Variants in GRAMD1B observed in about 807,000 individuals in gnomAD.
GRAMD1B encodes GRAM domain containing 1B.
Under a neutral mutation model 99.7 loss-of-function variants are expected in GRAMD1B, and 37 were observed. That is an observed-to-expected ratio of 0.37 (90% CI 0.29 to 0.49). The LOEUF (loss-of-function observed/expected upper bound fraction) is 0.49, where lower values mean the gene tolerates loss of function less well. GRAMD1B is among the 20% of genes least tolerant of loss of function. The pLI is 0.98. For missense variants in GRAMD1B, 888 were observed against 1,009.2 expected, an observed-to-expected ratio of 0.88 and a Z score of 1.63; for synonymous variants, 427 against 387.6, an observed-to-expected ratio of 1.10 and a Z score of -1.19.
At chr11:123,447,455 G>A (rs1949693192) in intron 1 of GRAMD1B, among the ~76,000 whole-genome samples, 1 of 152,174 alleles carries the variant, frequency 6.6e-6, no homozygotes. Context: ...GTATCTTCAG[G>A]CAGTGAGTCA....
chr11:123,579,184 C>T (rs1709889), intron 3 of GRAMD1B, among the ~76,000 whole-genome samples: 35,942 of 152,074 alleles, frequency 0.24, 4,461 homozygotes, highest in East Asian at 0.35. Context: ...TCTGAGGCCA[C>T]AGGAGAACGT....
At chr11:123,557,967 T>C (rs1946324162) in intron 2 of GRAMD1B, among the ~76,000 whole-genome samples, 5 of 147,760 alleles carry the variant, frequency 3.4e-5, no homozygotes, top group South Asian at 2.2e-4. Context: ...GGAAAGGACA[T>C]TCAGTGCAAC....
rs1342494048 is a variant in GRAMD1B at position 123,480,802 on chromosome 11, A to G, written c.375-14A>G. On this transcript the variant is annotated splice_polypyrimidine_tract_variant and intron_variant, in intron 1 of 19. Coordinates refer to ENST00000635736, the MANE Select transcript of GRAMD1B (RefSeq NM_001387025.1). The stretch of plus-strand genomic sequence containing the variant: ...AGCTGAAGTTAACGGTTGATATCCT[A>G]TGTCTTTCCTCAGCAGCCAACAGAG... The G allele has an allele frequency of 1.0e-5, 4 of 398,868 alleles. No homozygotes were observed. The highest frequency in any genetic ancestry group is 1.8e-5 in the Non-Finnish European group (4 of 226,134). The allele number at this position is 398,868 out of a possible 1,614,324, so 24.7% of individuals were successfully genotyped here. A position where few individuals can be genotyped will look rare whatever the true frequency, so the allele number is the denominator to read the frequency against.
In GRAMD1B at chr11:123,606,728, T is replaced by G; in HGVS notation, c.1443T>G (p.Pro481=). The G allele has an allele frequency of 6.2e-7, 1 of 1,613,728 alleles. No individual in the cohort carries two copies. The highest frequency in any genetic ancestry group is 1.6e-4 in the Middle Eastern group (1 of 6,062). The change falls in exon 11 of 20, where the codon CCT becomes CCG. Residue 481 remains proline (P), a synonymous_variant. Transcript: ENST00000635736. The part of the protein sequence containing the change: ...KIEMIAPVNS[P]SLDFNDNEDI... ...AGATGATCGCTCCTGTGAACTCCCC[T>G]TCACTGGACTTCAATGACAATGAGG...
At chr11:123,533,437 AT>A (rs767764144) in intron 2 of GRAMD1B, among the ~76,000 whole-genome samples, 3 of 149,152 alleles carry the variant, frequency 2.0e-5, no homozygotes, top group African/African-American at 7.3e-5. Flanking sequence ...ATTTTATTTT[AT>A]TTTTTTAAGA....
rs1484430156 is a variant in GRAMD1B at position 123,613,628 on chromosome 11, G to C, written c.2197G>C (p.Asp733His). 6.2e-7 allele frequency: 1 copy of C among 1,613,750 alleles called. No homozygotes were observed. The highest frequency in any genetic ancestry group is 8.5e-7 in the Non-Finnish European group (1 of 1,179,798). The change falls in exon 16 of 20, where the codon GAT (aspartate) becomes CAT (histidine). Residue 733 changes from aspartate (D) to histidine (H), a missense_variant. This residue lies in a region of GRAMD1B where 232 missense variants were observed against 261.7 expected (regional missense o/e 0.89). Coordinates refer to ENST00000635736, the MANE Select transcript of GRAMD1B (RefSeq NM_001387025.1). Reference protein sequence around the residue: ...MSPVTTPTDEDVGHRIKHVAG... With the variant: ...MSPVTTPTDEHVGHRIKHVAG... ...CCCGGTCACCACGCCCACAGATGAG[G>C]ATGTGGGCCACAGGATCAAACATGT...
intron 1 of GRAMD1B, among the ~76,000 whole-genome samples, chr11:123,366,543 A>G (rs1413572430): frequency 6.6e-6 from 1 of 152,252 alleles, no homozygotes; most frequent in Non-Finnish European, 1.5e-5. Flanking sequence ...CCTTTGGGCT[A>G]CGTTGTATAA....
rs149570957 is a variant in GRAMD1B at position 123,363,315 on chromosome 11, C to T, written c.-176+4516C>T. ...TTCATGAAGATTTTATCCAGCACACCCACACAACCAGTGCTGGGGTGGCTG... is the reference window on the plus strand; with the variant it reads ...TTCATGAAGATTTTATCCAGCACACTCACACAACCAGTGCTGGGGTGGCTG... On this transcript the variant is annotated intron_variant, in intron 1 of 20. Transcript: ENST00000638157. Among the ~76,000 whole-genome samples the T allele has an allele frequency of 1.1e-4, 17 of 152,238 alleles. No homozygotes were observed. In the East Asian group the frequency reaches 3.3e-3, roughly 29 times the overall value.
At chr11:123,543,566 A>G (rs1007306918) in intron 2 of GRAMD1B, among the ~76,000 whole-genome samples, 5 of 152,238 alleles carry the variant, frequency 3.3e-5, no homozygotes, top group Non-Finnish European at 7.3e-5. Flanking sequence ...AGAGATACCT[A>G]TAAACTCTGG....
chr11:123,577,664 G>T, intron 3 of GRAMD1B, 87 bp downstream of exon 3: 1 of 986,842 alleles, frequency 1.0e-6, no homozygotes. Flanking sequence ...ACATCTGCGA[G>T]GGTCCTCACG....
At chr11:123,410,174 GAC>G (rs1947991315) in intron 1 of GRAMD1B, among the ~76,000 whole-genome samples, 2 of 150,686 alleles carry the variant, frequency 1.3e-5, no homozygotes, top group Admixed American at 6.6e-5. Flanking sequence ...AAGATTTTGG[GAC>G]AAGAAAAAAG....
intron 7 of GRAMD1B, chr11:123,599,090 A>G (rs1951639602): frequency 2.2e-6 from 2 of 914,524 alleles, no homozygotes; most frequent in East Asian, 2.4e-5. Context: ...GTGCCTCTTC[A>G]CTTGGATTCT....
At chr11:123,456,608 CTACAGAAAA>C (rs1206172288) in intron 1 of GRAMD1B, among the ~76,000 whole-genome samples, 1 of 151,940 alleles carries the variant, frequency 6.6e-6, no homozygotes, top group Non-Finnish European at 1.5e-5. Flanking sequence ...GACCTCGTCT[CTACAGAAAA>C]TACAGAAAAT....
chr11:123,577,657 T>A, intron 3 of GRAMD1B, 80 bp downstream of exon 3: 1 of 1,046,750 alleles, frequency 9.6e-7, no homozygotes, highest in Non-Finnish European at 1.4e-6. Flanking sequence ...CCGGAGAACA[T>A]CTGCGAGGGT....
intron 15 of GRAMD1B, 179 bp from the exon 16 acceptor site, chr11:123,613,276 G>C: frequency 1.7e-6 from 1 of 599,182 alleles, no homozygotes; most frequent in East Asian, 2.8e-5. Context: ...AACAACCCCA[G>C]AGGAAGGGTT....
chr11:123,576,464 C>A (rs1367298168), intron 2 of GRAMD1B, among the ~76,000 whole-genome samples: 1 of 152,274 alleles, frequency 6.6e-6, no homozygotes, highest in Non-Finnish European at 1.5e-5. Context: ...AAACATTCAA[C>A]TGCATTCAGT....
At chr11:123,422,129 A>G (rs1228622071) in intron 1 of GRAMD1B, among the ~76,000 whole-genome samples, 1 of 152,174 alleles carries the variant, frequency 6.6e-6, no homozygotes, top group Non-Finnish European at 1.5e-5. Context: ...ATGTGAGCAT[A>G]GTGGTCCTGA....
At chr11:123,433,158 C>T (rs1045001328) in intron 1 of GRAMD1B, among the ~76,000 whole-genome samples, 1 of 151,558 alleles carries the variant, frequency 6.6e-6, no homozygotes, top group Non-Finnish European at 1.5e-5. Context: ...GGGAGGGTCA[C>T]CTGAGGTCAG....
chr11:123,406,985 T>G (rs1014393842), intron 1 of GRAMD1B, among the ~76,000 whole-genome samples: 1 of 152,246 alleles, frequency 6.6e-6, no homozygotes, highest in Non-Finnish European at 1.5e-5. Flanking sequence ...ACCCTAAAAC[T>G]CCCTGTGGCA....
Sources: gnomAD v4.1 joint callset for allele counts (sites outside exome capture counted in the v4.1 genomes callset) on GRCh38, gnomAD v4.1.1 for gene constraint, gnomAD v4.1.1 regional missense constraint, MANE v1.5 for transcripts, NCBI Gene and HGNC (gene_info 2026-07-23, HGNC 2026-07-21) for gene names.